Variants in DPP10 observed in about 807,000 individuals in gnomAD.
The protein encoded by DPP10 is dipeptidyl peptidase like 10, also known as inactive dipeptidyl peptidase 10.
Under a neutral mutation model 120.9 loss-of-function variants are expected in DPP10, and 33 were observed. The observed-to-expected ratio is 0.27, with a 90% CI of 0.21 to 0.37. The LOEUF is 0.37. DPP10 is among the 10% of genes least tolerant of loss of function. The probability of loss-of-function intolerance (pLI) is 1.00; values close to 1 mark genes in which losing one functional copy is unlikely to be tolerated. For synonymous variants in DPP10, 337 were observed against 326.1 expected (o/e 1.03, Z -0.36); for missense variants, 816 against 942.8 (o/e 0.87, Z 1.76).
chr2:115,769,861 GC>G (rs1681243476), intron 13 of DPP10, among the ~76,000 whole-genome samples: 1 of 151,974 alleles, frequency 6.6e-6, no homozygotes, highest in Non-Finnish European at 1.5e-5. Context: ...AACTATTTTG[GC>G]CCCTAAAATA....
intron 3 of DPP10, among the ~76,000 whole-genome samples, chr2:115,388,159 T>C (rs1220091729): frequency 1.3e-5 from 2 of 152,220 alleles, no homozygotes; most frequent in East Asian, 1.9e-4. Context: ...GAGGTGGGAA[T>C]GCATGTAGTC....
chr2:114,884,580 T>A (rs919067195), intron 1 of DPP10, among the ~76,000 whole-genome samples: 19 of 152,248 alleles, frequency 1.2e-4, no homozygotes, highest in Non-Finnish European at 7.4e-5. Context: ...TTTCAATAGG[T>A]TTTCGAGGAA....
chr2:115,488,664 G>A (rs2075899833), intron 3 of DPP10, among the ~76,000 whole-genome samples: 1 of 109,492 alleles, frequency 9.1e-6, no homozygotes, highest in African/African-American at 3.5e-5. Flanking sequence ...CTCACTCATA[G>A]GTGGGAATTG....
At chr2:115,777,966 G>A in intron 15 of DPP10, 132 bp downstream of exon 15, 1 of 796,504 alleles carries the variant, frequency 1.3e-6, no homozygotes, top group Non-Finnish European at 2.0e-6. Context: ...TGCTGACAAA[G>A]CTTCACACTC....
intron 1 of DPP10, among the ~76,000 whole-genome samples, chr2:114,481,850 C>T (rs1449817357): frequency 2.0e-5 from 3 of 149,384 alleles, no homozygotes; most frequent in African/African-American, 7.4e-5. Flanking sequence ...AAAGGGGAAG[C>T]AAGCATGTTC....
chr2:114,521,240 TCA>T (rs1331822650), intron 1 of DPP10, among the ~76,000 whole-genome samples: 1 of 126,590 alleles, frequency 7.9e-6, no homozygotes, highest in African/African-American at 3.1e-5. Flanking sequence ...TCTGTCTCTC[TCA>T]CATGCACAGA....
At chr2:114,802,492 GCT>G (rs1371606723) in intron 1 of DPP10, among the ~76,000 whole-genome samples, 3 of 144,534 alleles carry the variant, frequency 2.1e-5, no homozygotes, top group African/African-American at 7.8e-5. Context: ...CCTCTTCCCT[GCT>G]CTCTTTATGA....
intron 1 of DPP10, among the ~76,000 whole-genome samples, chr2:115,244,710 A>T (rs1035232555): frequency 1.3e-5 from 2 of 151,770 alleles, no homozygotes; most frequent in African/African-American, 4.9e-5. Flanking sequence ...AAATTAAAGC[A>T]TCAGCATAGA....
intron 1 of DPP10, among the ~76,000 whole-genome samples, chr2:114,500,156 G>A (rs534505971): frequency 1.6e-4 from 24 of 152,326 alleles, no homozygotes; most frequent in African/African-American, 5.5e-4. Context: ...ATATGCCTTA[G>A]CCACTGCTGA....
intron 1 of DPP10, among the ~76,000 whole-genome samples, chr2:114,562,601 A>C (rs369394180): frequency 6.6e-6 from 1 of 152,210 alleles, no homozygotes; most frequent in Admixed American, 6.5e-5. Context: ...CAGCCTGTAA[A>C]GTACACTGAA....
At chr2:115,640,972 A>G (rs1337960712) in intron 5 of DPP10, among the ~76,000 whole-genome samples, 2 of 152,178 alleles carry the variant, frequency 1.3e-5, no homozygotes, top group African/African-American at 4.8e-5. Flanking sequence ...ATCTTGTGGA[A>G]TTCCTGCTAG....
chr2:115,372,204 T>A (rs1228018405), intron 3 of DPP10, among the ~76,000 whole-genome samples: 2 of 152,158 alleles, frequency 1.3e-5, no homozygotes, highest in East Asian at 3.8e-4. Flanking sequence ...CAATATGAAT[T>A]ATGAAAGGAG....
chr2:114,646,179 TA>T (rs917976363), intron 1 of DPP10, among the ~76,000 whole-genome samples: 1 of 150,038 alleles, frequency 6.7e-6, no homozygotes, highest in African/African-American at 2.5e-5. Context: ...AATAAATAAA[TA>T]AATAAATAAA....
chr2:115,123,951 C>CT lies in DPP10; in HGVS notation c.61-185274dup, dbSNP rs35798293. ...ATATAAAATGCCTGTCTGATTATGC[C>CT]TTTTTTTTTTTTTTAGACAAAGTCT... On this transcript the variant is annotated intron_variant, in intron 1 of 25. Transcript: ENST00000410059. Among the ~76,000 whole-genome samples the CT allele has an allele frequency of 9.0e-3, 1,281 of 142,116 alleles. 8 individuals are homozygous for CT. Among genetic ancestry groups the CT allele is most frequent in the Non-Finnish European group, 0.013 (829 of 64,712 alleles). 93.2% of individuals were successfully genotyped at this position (142,116 alleles called of 152,430 possible).
Position 115,343,810 on chromosome 2 carries a change from A to G in DPP10, c.176-7A>G. The G allele has an allele frequency of 6.2e-7, 1 of 1,605,470 alleles. No individual in the cohort carries two copies. Among genetic ancestry groups the G allele is most frequent in the South Asian group, 1.1e-5 (1 of 89,394 alleles). On this transcript the variant is annotated splice_region_variant and splice_polypyrimidine_tract_variant and intron_variant, in intron 2 of 25. Transcript: ENST00000410059. ...AGGCATCTAACCTAGAATTTCCTTT[A>G]TTTTAGATGAACTCACAAATTCGTC...
At chr2:115,629,744 T>A (rs979666265) in intron 5 of DPP10, among the ~76,000 whole-genome samples, 3 of 152,200 alleles carry the variant, frequency 2.0e-5, no homozygotes, top group Admixed American at 1.3e-4. Flanking sequence ...AGGCCTCTGC[T>A]CTGTTCCATT....
At chr2:114,460,791 G>A (rs190074464) in intron 1 of DPP10, among the ~76,000 whole-genome samples, 1 of 152,168 alleles carries the variant, frequency 6.6e-6, no homozygotes, top group Admixed American at 6.5e-5. Context: ...TCTTTCATTA[G>A]GACAAATTAG....
chr2:115,082,381 G>A (rs765801772), intron 1 of DPP10, among the ~76,000 whole-genome samples: 17 of 152,060 alleles, frequency 1.1e-4, no homozygotes, highest in South Asian at 4.1e-4. Context: ...ATAGCCAGTC[G>A]AGGCCATTTT....
intron 1 of DPP10, among the ~76,000 whole-genome samples, chr2:114,484,782 A>G (rs1681355884): frequency 6.6e-6 from 1 of 152,130 alleles, no homozygotes; most frequent in African/African-American, 2.4e-5. Flanking sequence ...ATCATATAAT[A>G]CTTAAATGAA....
Sources: gnomAD v4.1 joint callset for allele counts (sites outside exome capture counted in the v4.1 genomes callset) on GRCh38, gnomAD v4.1.1 for gene constraint, MANE v1.5 for transcripts, NCBI Gene and HGNC (gene_info 2026-07-23, HGNC 2026-07-21) for gene names.